Variants in SVIL observed in about 807,000 individuals in gnomAD.
SVIL encodes the protein archvillin.
SVIL carries 101 observed loss-of-function variants against 240.4 expected under a neutral mutation model. The ratio of observed to expected loss-of-function variants is 0.42; its 90% CI spans 0.36 to 0.50. The LOEUF (loss-of-function observed/expected upper bound fraction) is 0.50, where lower values mean the gene tolerates loss of function less well. Among genes scored for constraint, SVIL ranks in the 20% least tolerant of loss-of-function variants. SVIL has a pLI of 0.01. For missense variants in SVIL, 2,512 were observed against 2,818.7 expected (o/e 0.89, Z 2.46); for synonymous variants, 999 against 1,100.0 (o/e 0.91, Z 1.82).
At chr10:29,732,793 T>C (rs1177754605) in intron 1 of SVIL, among the ~76,000 whole-genome samples, 1 of 152,170 alleles carries the variant, frequency 6.6e-6, no homozygotes, top group Non-Finnish European at 1.5e-5. Context: ...GTGCCATTGA[T>C]GGCTAGTGAA....
intron 10 of SVIL, 56 bp from the exon 11 acceptor site, chr10:29,530,724 C>A: frequency 6.2e-7 from 1 of 1,602,040 alleles, no homozygotes; most frequent in South Asian, 1.1e-5. Flanking sequence ...TAAGTTCGGT[C>A]TCCAAAAAGT....
intron 34 of SVIL, 138 bp downstream of exon 34, chr10:29,465,457 T>C (rs1944797589): frequency 2.8e-6 from 3 of 1,060,600 alleles, no homozygotes; most frequent in Non-Finnish European, 2.7e-6. Context: ...ATGAAAAGAG[T>C]GTAAGCACAT....
chr10:29,585,220 G>A (rs1164994606), intron 1 of SVIL, among the ~76,000 whole-genome samples: 1 of 151,874 alleles, frequency 6.6e-6, no homozygotes, highest in African/African-American at 2.4e-5. Context: ...ACAGGTGTGT[G>A]CCACCACACC....
At position 29,522,627 on chromosome 10, in the gene SVIL, A is replaced by C; in HGVS notation, c.3172T>G (p.Phe1058Val). 1 of 1,613,950 alleles carries C rather than the reference A, an allele frequency of 6.2e-7. No homozygotes were observed. The highest frequency in any genetic ancestry group is 8.5e-7 in the Non-Finnish European group (1 of 1,179,964). ...GTCTGCTCGGAAGTGGGCTCCCCGAACTCTGCCGCTGGGAAGGAAAAGAGC... is the reference window on the plus strand; with the variant it reads ...GTCTGCTCGGAAGTGGGCTCCCCGACCTCTGCCGCTGGGAAGGAAAAGAGC... ...KRKFSLRAAEFGEPTSEQTGT... is the reference protein window; with the variant it reads ...KRKFSLRAAEVGEPTSEQTGT... The change falls in exon 16 of 38, where the codon TTC becomes GTC. Residue 1058 changes from phenylalanine to valine, a missense_variant. Around this residue, in one of 3 missense-constraint regions of SVIL, gnomAD observed 1,443 missense variants for 1,486.6 expected, o/e 0.97. Transcript: ENST00000355867.
intron 21 of SVIL, among the ~76,000 whole-genome samples, chr10:29,491,706 C>T (rs1356439890): frequency 6.6e-6 from 1 of 152,158 alleles, no homozygotes; most frequent in Non-Finnish European, 1.5e-5. Flanking sequence ...ACTCCTGCTG[C>T]CACTCTCCAC....
chr10:29,512,353 C>T (rs756644150), intron 17 of SVIL, among the ~76,000 whole-genome samples: 2 of 152,202 alleles, frequency 1.3e-5, no homozygotes, highest in African/African-American at 2.4e-5. Context: ...GCATGGGAAA[C>T]ACAAGTCTGT....
chr10:29,463,729 T>C (rs2132276642), intron 34 of SVIL, 94 bp from the exon 35 acceptor site: 3 of 1,512,166 alleles, frequency 2.0e-6, no homozygotes, highest in Non-Finnish European at 2.7e-6. Flanking sequence ...TTGTCCCTCT[T>C]GACTGCAGTG....
chr10:29,674,343 G>C (rs1046919497), intron 2 of SVIL, among the ~76,000 whole-genome samples: 1 of 151,882 alleles, frequency 6.6e-6, no homozygotes, highest in African/African-American at 2.4e-5. Context: ...AAAAAGTGGG[G>C]GGTGTTTCTT....
intron 1 of SVIL, among the ~76,000 whole-genome samples, chr10:29,692,468 G>A (rs1961583278): frequency 6.6e-6 from 1 of 152,016 alleles, no homozygotes; most frequent in African/African-American, 2.4e-5. Flanking sequence ...ATAAGAGCCT[G>A]CAATGAGATC....
chr10:29,509,622 G>T (rs1949675304), intron 17 of SVIL, among the ~76,000 whole-genome samples: 1 of 152,148 alleles, frequency 6.6e-6, no homozygotes, highest in Non-Finnish European at 1.5e-5. Flanking sequence ...GCCGAGGCAG[G>T]TGGATCACCT....
At chr10:29,575,088 G>A (rs1344419812) in intron 1 of SVIL, among the ~76,000 whole-genome samples, 1 of 152,218 alleles carries the variant, frequency 6.6e-6, no homozygotes, top group Non-Finnish European at 1.5e-5. Context: ...ACTTTGAAGT[G>A]TGTAGGAAGC....
At chr10:29,639,493 G>A (rs996444116), upstream of SVIL, among the ~76,000 whole-genome samples, 2 of 136,846 alleles carry the variant, frequency 1.5e-5, no homozygotes, top group Non-Finnish European at 3.1e-5. Context: ...TTTTGAGATG[G>A]AGTTTCACTC....
intron 2 of SVIL, among the ~76,000 whole-genome samples, chr10:29,681,969 AG>A (rs939712322): frequency 5.3e-5 from 8 of 152,172 alleles, no homozygotes; most frequent in African/African-American, 1.4e-4. Context: ...CCTGTCTTGA[AG>A]GGAAGGCTCT....
At chr10:29,605,809 A>G (rs984412095) in intron 1 of SVIL, among the ~76,000 whole-genome samples, 1 of 151,270 alleles carries the variant, frequency 6.6e-6, no homozygotes, top group Admixed American at 6.6e-5. Context: ...ATTTTTATCA[A>G]TCTTTTCTTT....
chr10:29,667,568 T>C (rs1336230074), intron 2 of SVIL, among the ~76,000 whole-genome samples: 2 of 152,020 alleles, frequency 1.3e-5, no homozygotes, highest in South Asian at 2.1e-4. Flanking sequence ...AAAACACACC[T>C]GGGCCAGGTG....
rs372257560 is a variant in SVIL at position 29,464,577 on chromosome 10, T to G, written c.6134-942A>C. Among the ~76,000 whole-genome samples, 6 of 152,344 alleles carry G rather than the reference T, an allele frequency of 3.9e-5. No homozygotes were observed. In the East Asian group the frequency reaches 7.7e-4, roughly 20 times the overall value. ...CTCTCACTCTTGCTAGTCGGCTCAC[T>G]GTAAGTCCTTTCCTGACATGCATTT... On this transcript the variant is annotated intron_variant, in intron 34 of 37. Coordinates refer to ENST00000355867, the MANE Select transcript of SVIL (RefSeq NM_021738.3).
Position 29,550,689 on chromosome 10 carries a change from G to C in SVIL, c.735C>G (p.Ser245=). 1 of 1,614,128 alleles carries C rather than the reference G, an allele frequency of 6.2e-7. No homozygotes were observed. Among genetic ancestry groups the C allele is most frequent in the Non-Finnish European group, 8.5e-7 (1 of 1,180,004 alleles). ...RDSSFTEVPR[S]PKHAHSSSLQ... The stretch of plus-strand genomic sequence containing the variant: ...GGGAGGAGCTGTGGGCGTGCTTGGG[G>C]GACCGTGGCACTTCAGTGAAGGAGG... The change falls in exon 6 of 38, where the codon TCC becomes TCG. Residue 245 remains serine, a synonymous_variant. Coordinates refer to ENST00000355867, the MANE Select transcript of SVIL (RefSeq NM_021738.3).
chr10:29,463,072 G>A (rs1944450900), intron 35 of SVIL, among the ~76,000 whole-genome samples: 1 of 152,200 alleles, frequency 6.6e-6, no homozygotes, highest in Non-Finnish European at 1.5e-5. Flanking sequence ...GGTTGGCAAT[G>A]GCCGTTCACT....
chr10:29,531,870 C>T (rs1291754831), intron 9 of SVIL, 132 bp downstream of exon 9: 5 of 1,077,894 alleles, frequency 4.6e-6, no homozygotes. Flanking sequence ...ATAAATAACG[C>T]TTATAGGTTA....
Sources: allele counts gnomAD v4.1 joint callset (sites outside exome capture counted in the v4.1 genomes callset), GRCh38; gene constraint gnomAD v4.1.1; regional missense constraint gnomAD v4.1.1; transcripts MANE v1.5; gene names NCBI Gene and HGNC (gene_info 2026-07-23, HGNC 2026-07-21).